SMARCA2: variants seen among roughly 807,000 people sequenced by gnomAD.
SMARCA2 encodes the protein SWI/SNF-related matrix-associated actin-dependent regulator of chromatin subfamily A member 2.
A neutral mutation model predicts 199.8 loss-of-function variants in SMARCA2; 61 were observed. The ratio of observed to expected loss-of-function variants is 0.31; its 90% CI spans 0.25 to 0.38. The LOEUF is 0.38. Ranked by LOEUF, SMARCA2 falls within the 10% of genes least tolerant of loss-of-function variation. SMARCA2 has a pLI of 1.00. For missense variants in SMARCA2, 1,344 were observed against 2,012.2 expected (o/e 0.67, Z 6.35); for synonymous variants, 935 against 732.0 (o/e 1.28, Z -4.48).
In SMARCA2 at chr9:2,066,512, T is replaced by C. The variant is rs78926794; in HGVS notation, c.1693-3906T>C. ...GGAAATTGGGAACACACACTGTCTT[T>C]AGTTTGAGTAATTTTTAGTTATGAG... On this transcript the variant is annotated intron_variant, in intron 9 of 33. Coordinates refer to ENST00000349721, the MANE Select transcript of SMARCA2 (RefSeq NM_003070.5). Among the ~76,000 whole-genome samples, 911 of 152,328 alleles carry C rather than the reference T, an allele frequency of 6.0e-3. 10 individuals are homozygous for C. Among genetic ancestry groups the C allele is most frequent in the African/African-American group, 0.021 (869 of 41,566 alleles).
At chr9:2,187,636 C>T (rs531464564) in intron 32 of SMARCA2, among the ~76,000 whole-genome samples, 78 of 151,906 alleles carry the variant, frequency 5.1e-4, no homozygotes, top group Middle Eastern at 3.4e-3. Flanking sequence ...ATGATCATAC[C>T]GCTGCCCTCC....
intron 9 of SMARCA2, 145 bp from the exon 10 acceptor site, chr9:2,070,273 A>AT: frequency 1.4e-6 from 1 of 722,408 alleles, no homozygotes; most frequent in Non-Finnish European, 2.5e-6. Context: ...GCAAAGACAA[A>AT]TGAACATAAA....
chr9:2,176,628 T>C (rs536163885), intron 29 of SMARCA2, among the ~76,000 whole-genome samples: 2 of 152,220 alleles, frequency 1.3e-5, no homozygotes, highest in South Asian at 2.1e-4. Flanking sequence ...CTCAGCTCGC[T>C]GCGACCTCTG....
At chr9:2,124,061 T>C in intron 27 of SMARCA2, 124 bp downstream of exon 27, 1 of 744,420 alleles carries the variant, frequency 1.3e-6, no homozygotes, top group South Asian at 1.5e-5. Flanking sequence ...GAAGGGGCTC[T>C]TGAACACAGA....
At chr9:2,045,627 A>T (rs946221878) in intron 4 of SMARCA2, 1 of 152,158 alleles carries the variant, frequency 6.6e-6, no homozygotes, top group Non-Finnish European at 1.5e-5. Flanking sequence ...TAGATGAAAA[A>T]ACTTCTTAAT....
intron 9 of SMARCA2, among the ~76,000 whole-genome samples, chr9:2,064,988 T>C (rs902640000): frequency 1.3e-5 from 2 of 152,094 alleles, no homozygotes; most frequent in Admixed American, 6.6e-5. Context: ...ATCGAGACCA[T>C]CCTGGCTAAC....
intron 20 of SMARCA2, 27 bp downstream of exon 20, chr9:2,096,791 A>C (rs2130526126): frequency 3.7e-6 from 5 of 1,335,450 alleles, no homozygotes; most frequent in Non-Finnish European, 4.3e-6. Context: ...GATGCAACTC[A>C]AGGTGCTGTG....
chr9:2,175,114 T>C (rs1363130631), intron 29 of SMARCA2, among the ~76,000 whole-genome samples: 1 of 152,002 alleles, frequency 6.6e-6, no homozygotes, highest in Non-Finnish European at 1.5e-5. Context: ...CTGAGGAAGC[T>C]GCGGGTCATC....
chr9:2,041,659 G>C (rs1257505659), intron 4 of SMARCA2: 1 of 352,396 alleles, frequency 2.8e-6, no homozygotes, highest in East Asian at 4.2e-5. Context: ...TTCATCTCCA[G>C]AATTTCTGTG....
intron 27 of SMARCA2, among the ~76,000 whole-genome samples, chr9:2,154,291 G>C (rs1472277318): frequency 6.6e-6 from 1 of 152,232 alleles, no homozygotes; most frequent in African/African-American, 2.4e-5. Context: ...GGTGGTAGTA[G>C]TAGTAGCTGC....
chr9:2,047,557 C>T, intron 5 of SMARCA2, 73 bp downstream of exon 5: 4 of 1,217,690 alleles, frequency 3.3e-6, no homozygotes, highest in Non-Finnish European at 4.2e-6. Flanking sequence ...GGGGGTGAGG[C>T]GCCTGCCTCC....
At chr9:2,112,748 A>G (rs1334883417) in intron 24 of SMARCA2, among the ~76,000 whole-genome samples, 1 of 152,242 alleles carries the variant, frequency 6.6e-6, no homozygotes, top group East Asian at 1.9e-4. Flanking sequence ...CTGTCACTGA[A>G]CAGGACCATT....
At chr9:2,066,427 A>G (rs1293765210) in intron 9 of SMARCA2, among the ~76,000 whole-genome samples, 1 of 152,234 alleles carries the variant, frequency 6.6e-6, no homozygotes, top group Non-Finnish European at 1.5e-5. Context: ...ATGGGTAGCC[A>G]TGCACATACC....
At chr9:2,061,947 A>T (rs1820610810) in intron 9 of SMARCA2, among the ~76,000 whole-genome samples, 1 of 152,256 alleles carries the variant, frequency 6.6e-6, no homozygotes, top group East Asian at 1.9e-4. Context: ...TGTGAAGATG[A>T]ACGAGAGATG....
rs1826118048 is a variant in SMARCA2, at chr9:2,169,414, C to CA, written c.4200-1005_4200-1004insA. On this transcript the variant is annotated intron_variant, in intron 28 of 33. Transcript: ENST00000349721. The surrounding 1 kb of genome is among the most constrained non-coding windows in gnomAD (Gnocchi z 6.5). Reference sequence around the variant, plus strand: ...CCACAGTCTGAACCTTCGGATCTTCCCAACTTTTTTTTTCCAACGCACCCC... The same window carrying CA: ...CCACAGTCTGAACCTTCGGATCTTCCACAACTTTTTTTTTCCAACGCACCCC... Among the ~76,000 whole-genome samples the CA allele has an allele frequency of 6.6e-6, 1 of 151,618 alleles. No homozygotes were observed. The highest frequency in any genetic ancestry group is 1.5e-5 in the Non-Finnish European group (1 of 68,028).
At chr9:2,176,203 T>TTTTTTTTTA (rs57519167) in intron 29 of SMARCA2, among the ~76,000 whole-genome samples, 41 of 145,876 alleles carry the variant, frequency 2.8e-4, no homozygotes, top group African/African-American at 9.7e-4. Flanking sequence ...TTTTTTTTTT[T>TTTTTTTTTA]ATAATGACGT....
At chr9:2,121,442 A>G (rs1410881436) in intron 26 of SMARCA2, among the ~76,000 whole-genome samples, 1 of 152,204 alleles carries the variant, frequency 6.6e-6, no homozygotes, top group Non-Finnish European at 1.5e-5. Flanking sequence ...CTTCTAATCC[A>G]CCGGCCGCCT....
chr9:2,166,031 A>G (rs1045058402), intron 28 of SMARCA2, among the ~76,000 whole-genome samples: 6 of 152,212 alleles, frequency 3.9e-5, no homozygotes, highest in Admixed American at 2.6e-4. Context: ...ACCGTTTCCT[A>G]CATTAAAAGG....
At chr9:2,027,314 C>T (rs746706356) in intron 1 of SMARCA2, among the ~76,000 whole-genome samples, 10 of 151,916 alleles carry the variant, frequency 6.6e-5, no homozygotes, top group African/African-American at 2.2e-4. Flanking sequence ...ACGGTGGCGC[C>T]GCCTGTAGTC....
Sources: gnomAD v4.1 joint callset for allele counts (sites outside exome capture counted in the v4.1 genomes callset) on GRCh38, gnomAD v4.1.1 for gene constraint, Gnocchi (gnomAD v3.1) non-coding constraint, MANE v1.5 for transcripts, NCBI Gene and HGNC (gene_info 2026-07-23, HGNC 2026-07-21) for gene names.